SEMA3A: variants seen among roughly 807,000 people sequenced by gnomAD.
The protein encoded by SEMA3A is semaphorin-3A.
A neutral mutation model predicts 97.9 loss-of-function variants in SEMA3A; 29 were observed. The observed-to-expected ratio is 0.30, with a 90% CI of 0.22 to 0.40. The LOEUF (loss-of-function observed/expected upper bound fraction) is 0.40. Ranked by LOEUF, SEMA3A falls within the 10% of genes least tolerant of loss-of-function variation. The probability of loss-of-function intolerance (pLI) is 1.00; values close to 1 mark genes in which losing one functional copy is unlikely to be tolerated. For missense variants in SEMA3A, 763 were observed against 951.3 expected (o/e 0.80, Z 2.60); for synonymous variants, 321 against 323.7 (o/e 0.99, Z 0.09).
intron 1 of SEMA3A, among the ~76,000 whole-genome samples, chr7:84,424,368 T>A (rs1007286212): frequency 7.2e-6 from 1 of 138,118 alleles, no homozygotes; most frequent in Admixed American, 8.1e-5. Flanking sequence ...TATAAAATAA[T>A]AATATAATAT....
In SEMA3A at chr7:84,240,827, C is replaced by T. The variant is rs112362568; in HGVS notation, c.-82-46159G>A. On this transcript the variant is annotated intron_variant, in intron 3 of 3. Coordinates refer to the SEMA3A transcript ENST00000424555. ...GGGTCCATGTGTTCTCATTGTTCATCTCCCACTTAAGAGTGAGAACATGCT... is the reference window on the plus strand; with the variant it reads ...GGGTCCATGTGTTCTCATTGTTCATTTCCCACTTAAGAGTGAGAACATGCT... Among the ~76,000 whole-genome samples the T allele has an allele frequency of 6.1e-4, 93 of 152,318 alleles. 1 individual carries two copies. The highest frequency in any genetic ancestry group is 2.1e-3 in the African/African-American group (88 of 41,576).
chr7:84,395,728 TGAA>T (rs1803714911), intron 1 of SEMA3A, among the ~76,000 whole-genome samples: 1 of 152,136 alleles, frequency 6.6e-6, no homozygotes, highest in African/African-American at 2.4e-5. Flanking sequence ...TGCTGCCCTT[TGAA>T]GAAGGTGCCT....
intron 4 of SEMA3A, among the ~76,000 whole-genome samples, chr7:84,109,430 A>G (rs1795214178): frequency 6.6e-6 from 1 of 152,188 alleles, no homozygotes; most frequent in Non-Finnish European, 1.5e-5. Context: ...TGGTTCATCA[A>G]GAAGAAAAAA....
At position 84,064,433 on chromosome 7, in the gene SEMA3A, T is replaced by G. The variant is rs548090748; in HGVS notation, c.454-3875A>C. The stretch of plus-strand genomic sequence containing the variant: ...CACACATAACAATATTAACTTTAAA[T>G]GTAAATGGACTAAATGCTCCAATTA... On this transcript the variant is annotated intron_variant, in intron 4 of 16. Transcript: ENST00000265362. Among the ~76,000 whole-genome samples, 1,195 of 152,032 alleles carry G rather than the reference T, an allele frequency of 7.9e-3. 9 individuals carry two copies. The highest frequency in any genetic ancestry group is 0.027 in the African/African-American group (1,103 of 41,358).
chr7:84,055,294 TC>T (rs943801326), intron 5 of SEMA3A, among the ~76,000 whole-genome samples: 13 of 151,700 alleles, frequency 8.6e-5, no homozygotes, highest in Admixed American at 6.6e-4. Flanking sequence ...CGGGCGCCCC[TC>T]CCCCCGCCTC....
intron 4 of SEMA3A, among the ~76,000 whole-genome samples, chr7:84,066,962 A>C (rs1434722308): frequency 6.6e-6 from 1 of 152,178 alleles, no homozygotes; most frequent in Non-Finnish European, 1.5e-5. Context: ...CTGCATCGCC[A>C]AGTCAATCCT....
At chr7:84,322,908 G>T (rs933263415) in intron 2 of SEMA3A, among the ~76,000 whole-genome samples, 2 of 152,148 alleles carry the variant, frequency 1.3e-5, no homozygotes, top group African/African-American at 4.8e-5. Flanking sequence ...AGGGAGAATA[G>T]CATGGCAGGT....
chr7:83,966,804 C>T (rs1247193509), intron 15 of SEMA3A, among the ~76,000 whole-genome samples: 2 of 151,906 alleles, frequency 1.3e-5, no homozygotes, highest in Non-Finnish European at 2.9e-5. Context: ...CTCCGCCTCC[C>T]GGGTTCAAGC....
At position 84,442,876 on chromosome 7, in the gene SEMA3A, G is replaced by C. The variant is rs533168880; in HGVS notation, c.-246+49584C>G. ...AGACAAAAAGCTCACAAGACATAAT[G>C]AAGAATATTATGTTGATGAAAGTTT... is the stretch of plus-strand genomic sequence containing the variant. On this transcript the variant is annotated intron_variant, in intron 1 of 3. Transcript: ENST00000424555. 8.4e-4 allele frequency among the ~76,000 whole-genome samples: 127 copies of C among 152,090 alleles called. 1 individual carries two copies. Among genetic ancestry groups the C allele is most frequent in the Middle Eastern group, 3.4e-3 (1 of 292 alleles).
intron 12 of SEMA3A, among the ~76,000 whole-genome samples, chr7:83,992,970 C>T (rs1383113284): frequency 7.2e-6 from 1 of 139,350 alleles, no homozygotes; most frequent in Non-Finnish European, 1.6e-5. Flanking sequence ...TTTGTAGTCA[C>T]TCAGGACTTG....
At chr7:83,961,893 C>CCAGGA in intron 16 of SEMA3A, 67 bp from the exon 17 acceptor site, 1 of 1,224,578 alleles carries the variant, frequency 8.2e-7, no homozygotes. Flanking sequence ...TCTGAAACTC[C>CCAGGA]GTGTCTGTAA....
intron 1 of SEMA3A, among the ~76,000 whole-genome samples, chr7:84,441,274 A>G (rs1417325153): frequency 2.6e-5 from 4 of 151,970 alleles, no homozygotes; most frequent in African/African-American, 4.8e-5. Flanking sequence ...AGTATGCTCA[A>G]AAAACTAAAA....
chr7:84,424,366 AATAAT>A (rs889079255), intron 1 of SEMA3A, among the ~76,000 whole-genome samples: 9 of 139,386 alleles, frequency 6.5e-5, no homozygotes, highest in Non-Finnish European at 1.2e-4. Context: ...TATATAAAAT[AATAAT>A]ATAATATACA....
chr7:83,991,902 T>C (rs1789960054), intron 12 of SEMA3A, among the ~76,000 whole-genome samples: 1 of 147,456 alleles, frequency 6.8e-6, no homozygotes. Context: ...ATGGTACCAG[T>C]TCCTCCTTGT....
chr7:84,261,238 C>T (rs991423723), intron 3 of SEMA3A, among the ~76,000 whole-genome samples: 2 of 152,132 alleles, frequency 1.3e-5, no homozygotes, highest in Non-Finnish European at 2.9e-5. Context: ...GAGACCTGTC[C>T]TGTCACTCAA....
chr7:84,445,492 T>A (rs1310009885), intron 1 of SEMA3A, among the ~76,000 whole-genome samples: 5 of 3,990 alleles, frequency 1.3e-3, no homozygotes, highest in South Asian at 0.017. Context: ...AGACTCCATC[T>A]CAAAAAAAAA....
At chr7:84,206,432 C>G (rs2116309283) in intron 3 of SEMA3A, among the ~76,000 whole-genome samples, 1 of 151,242 alleles carries the variant, frequency 6.6e-6, no homozygotes, top group East Asian at 2.0e-4. Flanking sequence ...ATGGCATTCT[C>G]CTGCCTCAGC....
intron 1 of SEMA3A, among the ~76,000 whole-genome samples, chr7:84,390,544 T>C (rs564947389): frequency 5.6e-4 from 85 of 152,108 alleles, no homozygotes; most frequent in African/African-American, 2.0e-3. Flanking sequence ...ATTCAGTGTA[T>C]ATGGTAATTT....
chr7:84,208,797 AAG>A (rs1322497119), intron 3 of SEMA3A, among the ~76,000 whole-genome samples: 5 of 152,186 alleles, frequency 3.3e-5, no homozygotes, highest in African/African-American at 9.7e-5. Flanking sequence ...GTCTTGCAAA[AAG>A]TGATAAAGGC....
Sources: gnomAD v4.1 joint callset for allele counts (sites outside exome capture counted in the v4.1 genomes callset) on GRCh38, gnomAD v4.1.1 for gene constraint, MANE v1.5 for transcripts, NCBI Gene and HGNC (gene_info 2026-07-23, HGNC 2026-07-21) for gene names.